SDR39U1: variants seen among roughly 807,000 people sequenced by gnomAD.
The protein encoded by SDR39U1 is epimerase family protein SDR39U1.
A neutral mutation model predicts 31.7 loss-of-function variants in SDR39U1; 29 were observed. That is an observed-to-expected ratio of 0.92 (90% confidence interval 0.68 to 1.25). The LOEUF is 1.25. Ranked by LOEUF, SDR39U1 falls within the 50% of genes most tolerant of loss-of-function variation. SDR39U1 has a pLI of 0.00. For synonymous variants in SDR39U1, 147 were observed against 159.0 expected (o/e 0.92, Z 0.57); for missense variants, 403 against 378.4 (o/e 1.06, Z -0.54).
rs888240101 is a variant in SDR39U1 at position 24,441,809 on chromosome 14, A to G, written c.207-14T>C. Reference sequence around the variant, plus strand: ...GTTTCATTCCATCTGCAGGAGAAACATGGGAAATAAAAAGCCACTAAATAC... The same window carrying G: ...GTTTCATTCCATCTGCAGGAGAAACGTGGGAAATAAAAAGCCACTAAATAC... On this transcript the variant is annotated splice_polypyrimidine_tract_variant and intron_variant, in intron 3 of 5. Coordinates refer to ENST00000399395, the MANE Select transcript of SDR39U1 (RefSeq NM_020195.3). The G allele has an allele frequency of 2.2e-5, 36 of 1,603,444 alleles. No individual in the cohort carries two copies. Among genetic ancestry groups the G allele is most frequent in the African/African-American group, 4.0e-5 (3 of 74,478 alleles).
At chr14:24,441,246 T>C (rs1028558536) in intron 4 of SDR39U1, 6 of 469,892 alleles carry the variant, frequency 1.3e-5, no homozygotes, top group Middle Eastern at 5.9e-4. Context: ...TTAACCTCTC[T>C]GTATAGAATT....
chr14:24,441,075 C>G (rs1197357548), intron 4 of SDR39U1, 149 bp from the exon 5 acceptor site: 1 of 859,526 alleles, frequency 1.2e-6, no homozygotes, highest in Non-Finnish European at 1.9e-6. Flanking sequence ...CCTTGAACTT[C>G]TCCATGACCT....
chr14:24,442,701 C>T, intron 1 of SDR39U1, 53 bp downstream of exon 1: 3 of 1,610,144 alleles, frequency 1.9e-6, no homozygotes, highest in Non-Finnish European at 2.6e-6. Flanking sequence ...GATTCCCAGT[C>T]CTCAATCTCC....
Position 24,439,969 on chromosome 14 carries a change from G to A in SDR39U1, c.*114C>T, listed in dbSNP as rs1015175215. 1 of 796,274 alleles carries A rather than the reference G, an allele frequency of 1.3e-6. No homozygotes were observed. Among genetic ancestry groups the A allele is most frequent in the African/African-American group, 1.7e-5 (1 of 58,340 alleles). The allele number at this position is 796,274 out of a possible 1,614,324, so 49.3% of individuals were successfully genotyped here. ...AACAGAACAATGGGAAAGAGGACTG[G>A]GAGAGGAATCTAAGAACCAGATGGC... On this transcript the variant is annotated 3_prime_UTR_variant, in exon 6 of 6. Coordinates refer to ENST00000399395, the MANE Select transcript of SDR39U1 (RefSeq NM_020195.3).
At chr14:24,442,533 C>T (rs1330205370) in intron 1 of SDR39U1, 81 bp from the exon 2 acceptor site, 8 of 1,350,706 alleles carry the variant, frequency 5.9e-6, no homozygotes, top group African/African-American at 1.4e-5. Flanking sequence ...GCACCCTCTT[C>T]CGGCGCCATC....
At chr14:24,440,664 G>T in intron 5 of SDR39U1, 119 bp downstream of exon 5, 1 of 1,406,940 alleles carries the variant, frequency 7.1e-7, no homozygotes, top group Non-Finnish European at 9.8e-7. Context: ...CTGCAGGTTG[G>T]CTAGAAGTGG....
In SDR39U1 at chr14:24,441,813, G is replaced by C. The variant is rs2043350905; in HGVS notation, c.207-18C>G. On this transcript the variant is annotated intron_variant, in intron 3 of 5. Transcript: ENST00000399395. ...CATTCCATCTGCAGGAGAAACATGG[G>C]AAATAAAAAGCCACTAAATACATAA... 6.2e-7 allele frequency: 1 copy of C among 1,601,684 alleles called. No homozygotes were observed. Among genetic ancestry groups the C allele is most frequent in the African/African-American group, 1.3e-5 (1 of 74,372 alleles).
chr14:24,440,784 T>C lies in SDR39U1; in HGVS notation c.471A>G (p.Ser157=), dbSNP rs1166185386. 2 of 1,613,914 alleles carry C rather than the reference T, an allele frequency of 1.2e-6. No homozygotes were observed. Among genetic ancestry groups the C allele is most frequent in the East Asian group, 4.5e-5 (2 of 44,890 alleles). The change falls in exon 5 of 6, where the codon TCA becomes TCG. Residue 157 remains serine, a splice_region_variant and synonymous_variant. Transcript: ENST00000399395. ...GDSTRQVVVR[S]GVVLGRGGGA... ...CTGATACCCAGGCCCGTTTCTCACC[T>C]GAGCGCACCACCACCTGGCGTGTAG...
intron 4 of SDR39U1, 78 bp from the exon 5 acceptor site, chr14:24,441,004 C>A (rs712487): frequency 0.88 from 1,335,879 of 1,517,264 alleles, 593,640 homozygotes; most frequent in Non-Finnish European, 0.9. Context: ...TCCCCTTGGC[C>A]TCACCTTCTC....
rs780564215 is a variant in SDR39U1, at chr14:24,440,815, C to G, written c.440G>C (p.Gly147Ala). 1.1e-5 allele frequency: 18 copies of G among 1,613,680 alleles called. No homozygotes were observed. Among genetic ancestry groups the G allele is most frequent in the Non-Finnish European group, 8.5e-7 (1 of 1,179,828 alleles). Residue 147 changes from glycine (G) to alanine (A), a missense_variant, in exon 5 of 6, where the codon GGA becomes GCA. Gly to Ala is a moderately conservative substitution (Grantham distance 60). Transcript: ENST00000399395. ...CACCACCACCTGGCGTGTAGAATCT[C>G]CAGGAAGCCTGGCTGCAGCTTCCCA... is the stretch of plus-strand genomic sequence containing the variant. ...TKWEAAARLP[G>A]DSTRQVVVRS...
In SDR39U1 at chr14:24,442,206, C is replaced by T; in HGVS notation, c.178G>A (p.Gly60Arg). The change falls in exon 3 of 6, where the codon GGA becomes AGA. Residue 60 changes from glycine (G) to arginine (R), a missense_variant. Coordinates refer to ENST00000399395, the MANE Select transcript of SDR39U1 (RefSeq NM_020195.3). ...PSCDAAVNLA[G>R]ENILNPLRRW... ...CGGAGAGGGTTGAGGATGTTCTCTC[C>T]GGCCAGGTTGACGGCGGCATCGCAG... 1 of 1,611,754 alleles carries T rather than the reference C, an allele frequency of 6.2e-7. No individual in the cohort carries two copies.
intron 2 of SDR39U1, 25 bp from the exon 3 acceptor site, chr14:24,442,285 C>A: frequency 6.2e-7 from 1 of 1,600,898 alleles, no homozygotes; most frequent in Non-Finnish European, 8.5e-7. Flanking sequence ...ACACAGTGCC[C>A]CTGCCCCGCC....
At chr14:24,441,301 T>C in intron 4 of SDR39U1, 1 of 442,168 alleles carries the variant, frequency 2.3e-6, no homozygotes, top group Non-Finnish European at 4.1e-6. Context: ...CTCATAGGGT[T>C]GTTGTAAGGA....
intron 4 of SDR39U1, 115 bp downstream of exon 4, chr14:24,441,559 T>C: frequency 7.1e-6 from 6 of 845,144 alleles, no homozygotes; most frequent in Middle Eastern, 3.6e-4. Flanking sequence ...ATCAAGGGCC[T>C]AGGAAGTCAT....
At chr14:24,441,474 TGC>T in intron 4 of SDR39U1, 198 bp downstream of exon 4, 1 of 543,598 alleles carries the variant, frequency 1.8e-6, no homozygotes, top group East Asian at 3.2e-5. Flanking sequence ...CATTGAGTGA[TGC>T]CACTCCCCAC....
Position 24,441,682 on chromosome 14 carries a change from G to C in SDR39U1, c.320C>G (p.Thr107Arg). ...TGATTTGGGGGGCGTACCTACACCT[G>C]TGACTAAGACCCAGGCCTTGGGGGG... The part of the protein sequence containing the change: ...PQPPKAWVLV[T>R]GVAYYQPSLT... Residue 107 changes from threonine (T) to arginine (R), a missense_variant, in exon 4 of 6, where the codon ACA (threonine) becomes AGA (arginine). Thr to Arg is a moderately conservative substitution (Grantham distance 71). Coordinates refer to ENST00000399395, the MANE Select transcript of SDR39U1 (RefSeq NM_020195.3). 6.3e-7 allele frequency: 1 copy of C among 1,584,462 alleles called. No individual in the cohort carries two copies. The highest frequency in any genetic ancestry group is 2.2e-5 in the East Asian group (1 of 44,816).
At chr14:24,441,870 G>A in intron 3 of SDR39U1, 75 bp from the exon 4 acceptor site, 3 of 1,534,548 alleles carry the variant, frequency 2.0e-6, no homozygotes, top group South Asian at 2.4e-5. Flanking sequence ...TCTTTTCCTG[G>A]GAGCTATTTC....
At chr14:24,442,611 G>T (rs2043384868) in intron 1 of SDR39U1, 143 bp downstream of exon 1, 1 of 1,252,580 alleles carries the variant, frequency 8.0e-7, no homozygotes, top group South Asian at 1.2e-5. Flanking sequence ...CAGGTCACAG[G>T]GATTAGGGAG....
chr14:24,442,447 C>T lies in SDR39U1; in HGVS notation c.22G>A (p.Gly8Arg). The part of the protein sequence containing the change: MRVLVGG[G>R]TGFIGTALTQ... ...AGGGCTGTCCCAATGAAGCCTGTCCCGCCACCTGATCGGAAAATACAAATT... is the reference window on the plus strand; with the variant it reads ...AGGGCTGTCCCAATGAAGCCTGTCCTGCCACCTGATCGGAAAATACAAATT... The change falls in exon 2 of 6, where the codon GGG becomes AGG. Residue 8 changes from glycine to arginine, a missense_variant. Physicochemically the swap from Gly to Arg is moderately radical, Grantham distance 125 (BLOSUM62 -2). Coordinates refer to ENST00000399395, the MANE Select transcript of SDR39U1 (RefSeq NM_020195.3). The T allele has an allele frequency of 1.9e-6, 3 of 1,603,816 alleles. No homozygotes were observed. Among genetic ancestry groups the T allele is most frequent in the Non-Finnish European group, 2.6e-6 (3 of 1,174,984 alleles).
Sources: allele counts gnomAD v4.1 joint callset, GRCh38; gene constraint gnomAD v4.1.1; transcripts MANE v1.5; gene names NCBI Gene and HGNC (gene_info 2026-07-23, HGNC 2026-07-21).